The following IL36G variants were observed in gnomAD, a reference collection of about 807,000 sequenced individuals.
The protein encoded by IL36G is interleukin 36 gamma.
IL36G carries 10 observed loss-of-function variants against 13.5 expected under a neutral mutation model. The observed-to-expected ratio is 0.74, with a 90% CI of 0.46 to 1.26. IL36G has a LOEUF of 1.26. Among genes scored for constraint, IL36G ranks in the 50% most tolerant of loss-of-function variants. IL36G has a pLI of 0.00. For synonymous variants in IL36G, 84 were observed against 74.0 expected, an observed-to-expected ratio of 1.13 and a Z score of -0.69; for missense variants, 199 against 203.0, an observed-to-expected ratio of 0.98 and a Z score of 0.12.
intron 2 of IL36G, 46 bp downstream of exon 2, chr2:112,978,739 C>T: frequency 6.4e-7 from 1 of 1,566,826 alleles, no homozygotes; most frequent in Non-Finnish European, 8.8e-7. Context: ...CTTAGGCCCT[C>T]TGCACTCACG....
At chr2:112,979,382 G>T in intron 3 of IL36G, 57 bp downstream of exon 3, 1 of 1,021,204 alleles carries the variant, frequency 9.8e-7, no homozygotes, top group Non-Finnish European at 1.5e-6. Flanking sequence ...TGGGAAGCTG[G>T]CATCAGCCTT....
intron 1 of IL36G, 75 bp from the exon 2 acceptor site, chr2:112,978,545 G>A: frequency 8.7e-7 from 1 of 1,149,530 alleles, no homozygotes; most frequent in Non-Finnish European, 1.3e-6. Context: ...TAGAATGAGG[G>A]CCTGTGGAGC....
chr2:112,980,128 C>G lies in IL36G; in HGVS notation c.280C>G (p.Gln94Glu), dbSNP rs200670013. The G allele has an allele frequency of 2.1e-5, 34 of 1,614,022 alleles. No individual in the cohort carries two copies. Among genetic ancestry groups the G allele is most frequent in the Non-Finnish European group, 2.9e-5 (34 of 1,179,946 alleles). The change falls in exon 4 of 5, where the codon CAG becomes GAG. Residue 94 changes from glutamine to glutamate, a missense_variant. By Grantham distance (29) the Gln-to-Glu change is conservative (BLOSUM62 2). Coordinates refer to ENST00000259205, the MANE Select transcript of IL36G (RefSeq NM_019618.4). ...TTTGTATTGTGAGAAGGTTGGAGAA[C>G]AGCCCACATTGCAGCTAAAAGTGAG... The part of the protein sequence containing the change: ...MCLYCEKVGE[Q>E]PTLQLKEQKI...
At position 112,984,872 on chromosome 2, in the gene IL36G, C is replaced by T. The variant is rs747785140; in HGVS notation, c.333C>T (p.Pro111=). 9.9e-5 allele frequency: 160 copies of T among 1,613,972 alleles called. No individual in the cohort carries two copies. Among genetic ancestry groups the T allele is most frequent in the Non-Finnish European group, 1.2e-4 (147 of 1,180,016 alleles). The change falls in exon 5 of 5, where the codon CCC becomes CCT. Residue 111 remains proline, a synonymous_variant. Transcript: ENST00000259205. ...AGATCATGGATCTGTATGGCCAACC[C>T]GAGCCCGTGAAACCCTTCCTTTTCT... ...EQKIMDLYGQ[P]EPVKPFLFYR...
chr2:112,981,866 C>CT (rs1366881828), intron 4 of IL36G, among the ~76,000 whole-genome samples: 2 of 152,204 alleles, frequency 1.3e-5, no homozygotes, highest in South Asian at 2.1e-4. Context: ...CTGGTTTGTT[C>CT]TTTTTTTATT....
chr2:112,979,711 G>A (rs1684230170), intron 3 of IL36G, among the ~76,000 whole-genome samples: 1 of 152,214 alleles, frequency 6.6e-6, no homozygotes, highest in African/African-American at 2.4e-5. Flanking sequence ...CAGAGGGGCT[G>A]CTTGATGTAG....
At chr2:112,980,251 C>A in intron 4 of IL36G, 103 bp downstream of exon 4, 1 of 956,746 alleles carries the variant, frequency 1.0e-6, no homozygotes, top group Non-Finnish European at 1.5e-6. Flanking sequence ...TCTTCCTAAG[C>A]ATATTTATTC....
At chr2:112,978,764 AG>A in intron 2 of IL36G, 71 bp downstream of exon 2, 1 of 1,447,860 alleles carries the variant, frequency 6.9e-7, no homozygotes, top group Non-Finnish European at 9.7e-7. Flanking sequence ...CTCCTGTGGA[AG>A]CCCCAGCCTT....
At position 112,980,111 on chromosome 2, in the gene IL36G, G is replaced by T; in HGVS notation, c.263G>T (p.Cys88Phe). 6.2e-7 allele frequency: 1 copy of T among 1,614,122 alleles called. No individual in the cohort carries two copies. The highest frequency in any genetic ancestry group is 1.1e-5 in the South Asian group (1 of 91,080). The change falls in exon 4 of 5, where the codon TGT becomes TTT. Residue 88 changes from cysteine to phenylalanine, a missense_variant. Coordinates refer to ENST00000259205, the MANE Select transcript of IL36G (RefSeq NM_019618.4). ...GIQNPEMCLY[C>F]EKVGEQPTLQ... ...CAGAATCCAGAAATGTGTTTGTATTGTGAGAAGGTTGGAGAACAGCCCACA... is the reference window on the plus strand; with the variant it reads ...CAGAATCCAGAAATGTGTTTGTATTTTGAGAAGGTTGGAGAACAGCCCACA...
Position 112,985,213 on chromosome 2 carries a change from G to A in IL36G, c.*164G>A. ...ATGAAGAAGAAGCAATTACTTCATA[G>A]CAACTGAAGAACAGGATGTGGCCTC... is the stretch of plus-strand genomic sequence containing the variant. On this transcript the variant is annotated 3_prime_UTR_variant, in exon 5 of 5. Transcript: ENST00000259205. The A allele has an allele frequency of 1.6e-6, 1 of 606,064 alleles. No homozygotes were observed. The highest frequency in any genetic ancestry group is 2.9e-6 in the Non-Finnish European group (1 of 344,460). 37.5% of individuals were successfully genotyped at this position (606,064 alleles called of 1,614,324 possible).
chr2:112,984,278 A>G (rs1684312834), intron 4 of IL36G, among the ~76,000 whole-genome samples: 1 of 152,280 alleles, frequency 6.6e-6, no homozygotes. Flanking sequence ...TACAGAATAT[A>G]GTTCCATATA....
chr2:112,983,042 A>G (rs1684293044), intron 4 of IL36G, among the ~76,000 whole-genome samples: 1 of 152,222 alleles, frequency 6.6e-6, no homozygotes, highest in African/African-American at 2.4e-5. Flanking sequence ...ACAAGAGAGC[A>G]GGGAGAACGG....
Position 112,984,752 on chromosome 2 carries a change from T to C in IL36G, c.301-88T>C, listed in dbSNP as rs1558818799. 6 of 1,148,972 alleles carry C rather than the reference T, an allele frequency of 5.2e-6. No individual in the cohort carries two copies. The South Asian group carries it at 8.4e-5, about 16-fold the overall frequency. The allele number at this position is 1,148,972 out of a possible 1,614,324, so 71.2% of individuals were successfully genotyped here. A position where few individuals can be genotyped will look rare whatever the true frequency, so the allele number is the denominator to read the frequency against. ...AGATGGATAAGGTTTTCTGGAACTTTGGAACATTTATTGAATTATTATGAA... is the reference window on the plus strand; with the variant it reads ...AGATGGATAAGGTTTTCTGGAACTTCGGAACATTTATTGAATTATTATGAA... On this transcript the variant is annotated intron_variant, in intron 4 of 4. Transcript: ENST00000259205.
In IL36G at chr2:112,985,171, TATC is replaced by T; in HGVS notation, c.*126_*128del. ...GCTGAGACAGGGGCAAGGCTGCTGT[TATC>T]ATCTCATTTTATAATGAAGAAGAAG... On this transcript the variant is annotated 3_prime_UTR_variant, in exon 5 of 5. Coordinates refer to ENST00000259205, the MANE Select transcript of IL36G (RefSeq NM_019618.4). The T allele has an allele frequency of 3.1e-6, 2 of 650,674 alleles. No homozygotes were observed. The highest frequency in any genetic ancestry group is 4.2e-4 in the Middle Eastern group (1 of 2,400). The allele number at this position is 650,674 out of a possible 1,614,324, so 40.3% of individuals were successfully genotyped here. A position where few individuals can be genotyped will look rare whatever the true frequency, so the allele number is the denominator to read the frequency against.
chr2:112,978,759 G>A lies in IL36G; in HGVS notation c.55+66G>A, dbSNP rs888935631. 4.7e-6 allele frequency: 7 copies of A among 1,486,934 alleles called. No individual in the cohort carries two copies. In the African/African-American group the frequency reaches 6.9e-5, roughly 15 times the overall value. 92.1% of individuals were successfully genotyped at this position (1,486,934 alleles called of 1,614,324 possible). A position where few individuals can be genotyped will look rare whatever the true frequency, so the allele number is the denominator to read the frequency against. On this transcript the variant is annotated intron_variant, in intron 2 of 4. Coordinates refer to ENST00000259205, the MANE Select transcript of IL36G (RefSeq NM_019618.4). ...GCCCTCTGCACTCACGCTATCTCCT[G>A]TGGAAGCCCCAGCCTTCTCTGCTCC...
intron 4 of IL36G, among the ~76,000 whole-genome samples, chr2:112,982,604 C>T (rs1483383654): frequency 6.6e-6 from 1 of 152,080 alleles, no homozygotes; most frequent in Non-Finnish European, 1.5e-5. Context: ...AGCAGTGAGT[C>T]AGATTCTGGT....
In IL36G at chr2:112,985,054, A is replaced by G; in HGVS notation, c.*5A>G. 1 of 1,603,520 alleles carries G rather than the reference A, an allele frequency of 6.2e-7. No individual in the cohort carries two copies. The highest frequency in any genetic ancestry group is 8.5e-7 in the Non-Finnish European group (1 of 1,171,552). On this transcript the variant is annotated 3_prime_UTR_variant, in exon 5 of 5. Coordinates refer to ENST00000259205, the MANE Select transcript of IL36G (RefSeq NM_019618.4). ...GAATTAAATATAAATGACTGAACTC[A>G]GCCTAGAGGTGGCAGCTTGGTCTTT... is the stretch of plus-strand genomic sequence containing the variant.
rs748541650 is a variant in IL36G, at chr2:112,980,056, G to C, written c.208G>C (p.Gly70Arg). ...CAAGTATCCAGAGGCTCTTGAGCAA[G>C]GCAGAGGGGATCCCATTTATTTGGG... ...TCKYPEALEQ[G>R]RGDPIYLGIQ... Residue 70 changes from glycine (G) to arginine (R), a missense_variant, in exon 4 of 5, where the codon GGC becomes CGC. Transcript: ENST00000259205. The C allele has an allele frequency of 6.2e-7, 1 of 1,613,960 alleles. No individual in the cohort carries two copies. The highest frequency in any genetic ancestry group is 1.6e-4 in the Middle Eastern group (1 of 6,062).
intron 4 of IL36G, 102 bp downstream of exon 4, chr2:112,980,250 G>T: frequency 1.0e-6 from 1 of 976,918 alleles, no homozygotes; most frequent in Non-Finnish European, 1.5e-6. Flanking sequence ...ATCTTCCTAA[G>T]CATATTTATT....
Sources: gnomAD v4.1 joint callset for allele counts (sites outside exome capture counted in the v4.1 genomes callset) on GRCh38, gnomAD v4.1.1 for gene constraint, MANE v1.5 for transcripts, NCBI Gene and HGNC (gene_info 2026-07-23, HGNC 2026-07-21) for gene names.